Variants in STRA6 observed in about 807,000 individuals in gnomAD.
STRA6 encodes signaling receptor and transporter of retinol STRA6.
Under a neutral mutation model 83.6 loss-of-function variants are expected in STRA6, and 48 were observed. The observed-to-expected ratio is 0.57, with a 90% confidence interval of 0.46 to 0.73. STRA6 has a LOEUF of 0.73. Ranked by LOEUF, STRA6 falls within the 30% of genes least tolerant of loss-of-function variation. The pLI is 0.00. For synonymous variants in STRA6, 353 were observed against 362.3 expected, an observed-to-expected ratio of 0.97 and a Z score of 0.29; for missense variants, 760 against 838.8, an observed-to-expected ratio of 0.91 and a Z score of 1.16.
At chr15:74,202,071 G>A in intron 2 of STRA6, 84 bp downstream of exon 2, 1 of 1,358,258 alleles carries the variant, frequency 7.4e-7, no homozygotes, top group South Asian at 2.3e-5. Flanking sequence ...CCCTGCCCAG[G>A]AGCTGCTCCC....
rs2073175677 is a variant in STRA6 at position 74,185,058 on chromosome 15, G to T, written c.1091-3C>A. 6.2e-7 allele frequency: 1 copy of T among 1,613,780 alleles called. No homozygotes were observed. The highest frequency in any genetic ancestry group is 1.1e-5 in the South Asian group (1 of 91,034). On this transcript the variant is annotated splice_polypyrimidine_tract_variant and splice_region_variant and intron_variant, in intron 12 of 18. Coordinates refer to ENST00000395105, the MANE Select transcript of STRA6 (RefSeq NM_022369.4). ...GACCAAGGCTGAGATGTAGCACACT[G>T]GTGGGCAGAGAATGAGCAAAGTGAG...
At chr15:74,202,316 T>C in intron 1 of STRA6, 34 bp from the exon 2 acceptor site, 1 of 1,579,082 alleles carries the variant, frequency 6.3e-7, no homozygotes, top group Non-Finnish European at 8.6e-7. Context: ...AAAAAGCCAC[T>C]ACAGATGTGA....
At chr15:74,194,956 A>C in intron 7 of STRA6, 1 of 1,429,704 alleles carries the variant, frequency 7.0e-7, no homozygotes, top group South Asian at 1.5e-5. Flanking sequence ...CTTCACTCCC[A>C]TTCCCTCTCC....
chr15:74,208,976 C>T (rs983868993), exon 1 of STRA6: 1 of 1,006,010 alleles, frequency 9.9e-7, no homozygotes, highest in African/African-American at 1.7e-5. Context: ...TGTGTGGTCT[C>T]GGCAGTTGGC....
chr15:74,209,839 A>C (rs1423475235), upstream of STRA6: 1 of 173,460 alleles, frequency 5.8e-6, no homozygotes, highest in Non-Finnish European at 1.2e-5. Context: ...GAGAGAGTAG[A>C]TAAAGGCCGG....
Position 74,188,279 on chromosome 15 carries a change from G to C in STRA6, c.1090+836C>G, listed in dbSNP as rs568576426. On this transcript the variant is annotated intron_variant, in intron 12 of 18. Transcript: ENST00000395105. This position sits in a 1 kb window ranked among gnomAD's most constrained non-coding sequence, Gnocchi z 4.5. ...CTGCGGAGCAGCTACACCTCCACCT[G>C]CAACGCTGGCAGCCCACGCTCTGAC... is the stretch of plus-strand genomic sequence containing the variant. Among the ~76,000 whole-genome samples the C allele has an allele frequency of 8.5e-4, 129 of 152,344 alleles. No homozygotes were observed. The highest frequency in any genetic ancestry group is 3.0e-3 in the African/African-American group (125 of 41,576).
At chr15:74,191,774 C>T (rs2073553519) in intron 8 of STRA6, 1 of 533,610 alleles carries the variant, frequency 1.9e-6, no homozygotes, top group Non-Finnish European at 3.4e-6. Context: ...GCCTGCTTTA[C>T]TCAGTCACAT....
intron 1 of STRA6, chr15:74,207,910 C>T (rs1407834045): frequency 4.7e-6 from 7 of 1,483,322 alleles, no homozygotes; most frequent in Non-Finnish European, 5.4e-6. Flanking sequence ...CTGCCGTGCT[C>T]ACGGCAGGAA....
chr15:74,191,496 G>A lies in STRA6; in HGVS notation c.721-5C>T. ...AGAGTAGCTGCTCTGCAGCCCCTGT[G>A]GAGACAGACAATTGAACAAGCAGAT... On this transcript the variant is annotated splice_region_variant and splice_polypyrimidine_tract_variant and intron_variant, in intron 8 of 18. Coordinates refer to ENST00000395105, the MANE Select transcript of STRA6 (RefSeq NM_022369.4). 6.2e-7 allele frequency: 1 copy of A among 1,613,862 alleles called. No homozygotes were observed. The highest frequency in any genetic ancestry group is 8.5e-7 in the Non-Finnish European group (1 of 1,179,812).
At chr15:74,209,701 A>C, upstream of STRA6, 2 of 482,090 alleles carry the variant, frequency 4.1e-6, no homozygotes, top group Non-Finnish European at 7.3e-6. Flanking sequence ...CCCTCACCTG[A>C]GCACAGGCTC....
At chr15:74,196,287 C>A in intron 4 of STRA6, 140 bp from the exon 5 acceptor site, 1 of 1,324,108 alleles carries the variant, frequency 7.6e-7, no homozygotes, top group South Asian at 1.3e-5. Flanking sequence ...TTCATTCATT[C>A]ATTCCATAGA....
At chr15:74,182,700 G>C (rs1417333594) in intron 14 of STRA6, 1 of 534,434 alleles carries the variant, frequency 1.9e-6, no homozygotes, top group African/African-American at 1.9e-5. Flanking sequence ...GATCCAATGA[G>C]ATAATGTCTG....
chr15:74,200,912 G>A (rs2074028864), intron 2 of STRA6, among the ~76,000 whole-genome samples: 3 of 152,050 alleles, frequency 2.0e-5, no homozygotes, highest in Non-Finnish European at 4.4e-5. Context: ...CAGTGCCCAG[G>A]CCCTGAGGCT....
In STRA6 at chr15:74,181,346, C is replaced by A. The variant is rs755780472; in HGVS notation, c.1633G>T (p.Gly545Cys). The stretch of plus-strand genomic sequence containing the variant: ...GGCAGCAGGCTGAGGTCCATCTGGC[C>A]AAGGTGGATGGCGTTGTAGAGGGCA... ...LSALYNAIHL[G>C]QMDLSLLPPR... The change falls in exon 17 of 19, where the codon GGC becomes TGC. Residue 545 changes from glycine to cysteine, a missense_variant. Coordinates refer to ENST00000395105, the MANE Select transcript of STRA6 (RefSeq NM_022369.4). 2.5e-6 allele frequency: 4 copies of A among 1,613,414 alleles called. No individual in the cohort carries two copies. Among genetic ancestry groups the A allele is most frequent in the Non-Finnish European group, 2.5e-6 (3 of 1,179,906 alleles).
chr15:74,203,231 T>G (rs573049430), upstream of STRA6: 2 of 984,758 alleles, frequency 2.0e-6, no homozygotes, highest in East Asian at 1.1e-4. Flanking sequence ...TACAAGTTGA[T>G]TTCACAAGGA....
chr15:74,208,081 T>C, intron 1 of STRA6: 1 of 1,221,510 alleles, frequency 8.2e-7, no homozygotes, highest in African/African-American at 1.5e-5. Context: ...GCTGTTCTGG[T>C]ATGAGGGTGG....
chr15:74,201,834 C>T (rs992184475), intron 2 of STRA6, among the ~76,000 whole-genome samples: 2 of 152,178 alleles, frequency 1.3e-5, no homozygotes, highest in African/African-American at 4.8e-5. Flanking sequence ...CTTCTCCATC[C>T]TGGCTATGGG....
At position 74,193,821 on chromosome 15, in the gene STRA6, A is replaced by G; in HGVS notation, c.699T>C (p.Arg233=). The G allele has an allele frequency of 6.2e-7, 1 of 1,613,798 alleles. No homozygotes were observed. Among genetic ancestry groups the G allele is most frequent in the Non-Finnish European group, 8.5e-7 (1 of 1,179,814 alleles). Residue 233 remains arginine, a synonymous_variant, in exon 8 of 19, where the codon CGT becomes CGC. Transcript: ENST00000395105. ...YPVQLVRSFS[R]RTGAGSKGLQ... is the part of the protein sequence containing the mutation. ...TTACCTTGGAGCCTGCTCCTGTCCT[A>G]CGGCTGAAGCTTCTCACCAGCTGCA...
intron 13 of STRA6, 28 bp downstream of exon 13, chr15:74,184,952 G>T: frequency 1.2e-6 from 2 of 1,609,610 alleles, no homozygotes; most frequent in Non-Finnish European, 1.7e-6. Context: ...CCACCTCGGC[G>T]CTGGGTGAGC....
Sources: gnomAD v4.1 joint callset for allele counts (sites outside exome capture counted in the v4.1 genomes callset) on GRCh38, gnomAD v4.1.1 for gene constraint, Gnocchi (gnomAD v3.1) non-coding constraint, MANE v1.5 for transcripts, NCBI Gene and HGNC (gene_info 2026-07-23, HGNC 2026-07-21) for gene names.